Variants in MDN1 observed in about 807,000 individuals in gnomAD.
The protein encoded by MDN1 is midasin AAA ATPase 1, also known as midasin.
In MDN1, 266 loss-of-function variants were observed where a neutral mutation model predicts 669.2. That is an observed-to-expected ratio of 0.40 (90% CI 0.36 to 0.44). MDN1 has a LOEUF of 0.44. Ranked by LOEUF, MDN1 falls within the 20% of genes least tolerant of loss-of-function variation. MDN1 has a pLI of 1.00. For missense variants in MDN1, 5,940 were observed against 6,754.0 expected, an observed-to-expected ratio of 0.88 and a Z score of 4.22; for synonymous variants, 2,385 against 2,457.1, an observed-to-expected ratio of 0.97 and a Z score of 0.87.
At position 89,692,526 on chromosome 6, in the gene MDN1, C is replaced by T; in HGVS notation, c.10504G>A (p.Ala3502Thr). ...CPTREQLLMN[A>T]LLYLRSHVLC... ...ACGTGGGAGCGCAGGTAAAGGAGAG[C>T]ATTCATCAGCAGCTGCTCCCGAGTG... Residue 3502 changes from alanine (A) to threonine (T), a missense_variant, in exon 63 of 102, where the codon GCT becomes ACT. Physicochemically the swap from Ala to Thr is moderately conservative, Grantham distance 58 (BLOSUM62 0). Coordinates refer to ENST00000369393, the MANE Select transcript of MDN1 (RefSeq NM_014611.3). 6.2e-7 allele frequency: 1 copy of T among 1,614,234 alleles called. No individual in the cohort carries two copies. Among genetic ancestry groups the T allele is most frequent in the East Asian group, 2.2e-5 (1 of 44,880 alleles).
rs186668358 is a variant in MDN1, at chr6:89,701,725, T to A, written c.8307-47A>T. The stretch of plus-strand genomic sequence containing the variant: ...CAGGGGAAATAAGGAAAGGGGGAAA[T>A]GCTAGACAGTAAGAGAAGCCATTAA... On this transcript the variant is annotated intron_variant, in intron 54 of 101. Coordinates refer to ENST00000369393, the MANE Select transcript of MDN1 (RefSeq NM_014611.3). 1.9e-4 allele frequency: 294 copies of A among 1,586,810 alleles called. 2 individuals are homozygous for A. The African/African-American group carries it at 3.6e-3, about 20-fold the overall frequency.
At position 89,674,150 on chromosome 6, in the gene MDN1, C is replaced by T. The variant is rs114130059; in HGVS notation, c.13201G>A (p.Val4401Ile). Residue 4401 changes from valine (V) to isoleucine (I), a missense_variant, in exon 79 of 102, where the codon GTC becomes ATC. This residue lies in a region of MDN1 where 2,280 missense variants were observed against 2,576.3 expected (regional missense o/e 0.88). Transcript: ENST00000369393. The stretch of plus-strand genomic sequence containing the variant: ...CAAGACTGCTGTCTAATTTTGTCGA[C>T]GTCAGCTTTCACTGTTTTAATGGTT... ...LKTIKTVKAD[V>I]DKIRQQSCET... The T allele has an allele frequency of 4.1e-3, 6,638 of 1,614,162 alleles. 36 individuals carry two copies. Among genetic ancestry groups the T allele is most frequent in the South Asian group, 5.3e-3 (487 of 91,086 alleles).
chr6:89,758,340 G>A lies in MDN1; in HGVS notation c.2617C>T (p.Arg873Trp), dbSNP rs566766469. The change falls in exon 19 of 102, where the codon CGG becomes TGG. Residue 873 changes from arginine to tryptophan, a missense_variant. Physicochemically the swap from Arg to Trp is moderately radical, Grantham distance 101. This residue lies in a region of MDN1 where 1,203 missense variants were observed against 1,268.9 expected (regional missense o/e 0.95). Coordinates refer to ENST00000369393, the MANE Select transcript of MDN1 (RefSeq NM_014611.3). ...LDRGDTEPLV[R>W]HPDFRLFACM... ...GCAAATAAACGGAAGTCAGGATGCC[G>A]AACCAGTGGCTCTGTTAAGAGAAAA... The A allele has an allele frequency of 1.0e-5, 16 of 1,607,824 alleles. No individual in the cohort carries two copies. The Admixed American group carries it at 1.2e-4, about 12-fold the overall frequency.
Position 89,668,174 on chromosome 6 carries a change from T to A in MDN1, c.13957-23A>T, listed in dbSNP as rs372911668. 23 of 1,612,844 alleles carry A rather than the reference T, an allele frequency of 1.4e-5. No individual in the cohort carries two copies. In the African/African-American group the frequency reaches 2.8e-4, roughly 20 times the overall value. On this transcript the variant is annotated intron_variant, in intron 83 of 101. Transcript: ENST00000369393. ...TCCCTTAGAAAAAAGAAAAAGGAAGTGAACAATTAGGCACAAAAGCAATTT... is the reference window on the plus strand; with the variant it reads ...TCCCTTAGAAAAAAGAAAAAGGAAGAGAACAATTAGGCACAAAAGCAATTT...
intron 29 of MDN1, among the ~76,000 whole-genome samples, chr6:89,744,103 TAAAA>T (rs576136951): frequency 5.4e-5 from 2 of 36,712 alleles, no homozygotes; most frequent in African/African-American, 8.6e-5. Context: ...AATGCCTTCT[TAAAA>T]AAAAAAAAAA....
At chr6:89,673,672 A>G (rs541987679) in intron 79 of MDN1, 351 of 557,874 alleles carry the variant, frequency 6.3e-4, no homozygotes, top group Non-Finnish European at 1.0e-3. Flanking sequence ...CTATTACTAA[A>G]CACCTAGGTT....
At chr6:89,781,363 G>A (rs865976196) in intron 10 of MDN1, 36 bp downstream of exon 10, 7 of 1,574,006 alleles carry the variant, frequency 4.4e-6, no homozygotes, top group Non-Finnish European at 6.1e-6. Context: ...AAAAAAAAAA[G>A]AAAGAAAGAA....
In MDN1 at chr6:89,725,385, A is replaced by G; in HGVS notation, c.5484T>C (p.Ala1828=). ...TGAGTCCTTCCAATACAGACTGAGA[A>G]GCCAGGTTAAGCTATTTAAAGAAGA... ...HWVVLDELNL[A]SQSVLEGLNA... is the part of the protein sequence containing the mutation. The change falls in exon 38 of 102, where the codon GCT becomes GCC. Residue 1828 remains alanine, a synonymous_variant. Coordinates refer to ENST00000369393, the MANE Select transcript of MDN1 (RefSeq NM_014611.3). The G allele has an allele frequency of 6.2e-7, 1 of 1,613,188 alleles. No individual in the cohort carries two copies. Among genetic ancestry groups the G allele is most frequent in the Admixed American group, 1.7e-5 (1 of 60,004 alleles).
At chr6:89,760,216 A>C (rs763765820) in intron 17 of MDN1, among the ~76,000 whole-genome samples, 1 of 152,224 alleles carries the variant, frequency 6.6e-6, no homozygotes, top group Non-Finnish European at 1.5e-5. Flanking sequence ...TCACAGAAAC[A>C]AACTTTTTTT....
At position 89,674,093 on chromosome 6, in the gene MDN1, GAC is replaced by G. The variant is rs1811018067; in HGVS notation, c.13247+9_13247+10del. 6.2e-7 allele frequency: 1 copy of G among 1,612,692 alleles called. No homozygotes were observed. Among genetic ancestry groups the G allele is most frequent in the Non-Finnish European group, 8.5e-7 (1 of 1,179,202 alleles). On this transcript the variant is annotated intron_variant, in intron 79 of 101. Transcript: ENST00000369393. ...GCACACAGAGAAGTGTAAAGACATAGACACACTTACCAAGAATGAAAGAGAGT... is the reference window on the plus strand; with the variant it reads ...GCACACAGAGAAGTGTAAAGACATAGACACTTACCAAGAATGAAAGAGAGT...
At chr6:89,779,958 C>T (rs1298186764) in intron 11 of MDN1, among the ~76,000 whole-genome samples, 4 of 151,690 alleles carry the variant, frequency 2.6e-5, no homozygotes, top group Admixed American at 1.3e-4. Flanking sequence ...CCCAGCTACT[C>T]GGGAGGCTGA....
chr6:89,789,079 G>A (rs779877050), intron 7 of MDN1, among the ~76,000 whole-genome samples: 13 of 152,068 alleles, frequency 8.5e-5, no homozygotes, highest in South Asian at 2.1e-4. Flanking sequence ...AGCCGAGATC[G>A]TGCTACTGCA....
Position 89,781,569 on chromosome 6 carries a change from G to T in MDN1, c.1473C>A (p.Ser491Arg), listed in dbSNP as rs200833002. ...GCAGGTGATCAACCACTGCCAATAGGCTAGGATATCTGCTCTGAAGAACCT... is the reference window on the plus strand; with the variant it reads ...GCAGGTGATCAACCACTGCCAATAGTCTAGGATATCTGCTCTGAAGAACCT... Reference protein sequence around the residue: ...LNEVLQSRYPSLLAVVDHLLD... With the variant: ...LNEVLQSRYPRLLAVVDHLLD... The change falls in exon 10 of 102, where the codon AGC becomes AGA. Residue 491 changes from serine to arginine, a missense_variant. Physicochemically the swap from Ser to Arg is moderately radical, Grantham distance 110 (BLOSUM62 -1). This residue lies in a region of MDN1 where 1,203 missense variants were observed against 1,268.9 expected (regional missense o/e 0.95). Transcript: ENST00000369393. 48 of 1,608,096 alleles carry T rather than the reference G, an allele frequency of 3.0e-5. No individual in the cohort carries two copies. Among genetic ancestry groups the T allele is most frequent in the Non-Finnish European group, 2.3e-5 (27 of 1,176,208 alleles).
intron 61 of MDN1, among the ~76,000 whole-genome samples, chr6:89,694,825 T>C (rs898377367): frequency 1.8e-4 from 28 of 152,128 alleles, no homozygotes; most frequent in Admixed American, 1.6e-3. Flanking sequence ...AGTGCTGAGA[T>C]TACAGGGTGA....
At chr6:89,732,897 G>T in intron 33 of MDN1, 122 bp from the exon 34 acceptor site, 1 of 753,892 alleles carries the variant, frequency 1.3e-6, no homozygotes, top group Non-Finnish European at 2.1e-6. Flanking sequence ...AAAGTTCTGT[G>T]AATGAATGTA....
At chr6:89,693,950 T>C in intron 62 of MDN1, 124 bp downstream of exon 62, 1 of 757,260 alleles carries the variant, frequency 1.3e-6, no homozygotes. Flanking sequence ...TAAACAATGC[T>C]TTGGCATCTA....
chr6:89,683,322 AAG>A lies in MDN1; in HGVS notation c.11910_11911del (p.Phe3971Ter), dbSNP rs769601845. ...TGCTTCAAATTTCTTCATGAATTTA[AAG>A]AGTGTCCTGTCCCCAGGTAATGACA... On this transcript the variant is annotated frameshift_variant, in exon 73 of 102. Coordinates refer to ENST00000369393, the MANE Select transcript of MDN1 (RefSeq NM_014611.3). LOFTEE classifies it high-confidence loss of function. 6.2e-7 allele frequency: 1 copy of A among 1,614,096 alleles called. No individual in the cohort carries two copies. The highest frequency in any genetic ancestry group is 1.1e-5 in the South Asian group (1 of 91,050).
chr6:89,656,772 G>A lies in MDN1; in HGVS notation c.15213C>T (p.Asn5071=). The A allele has an allele frequency of 6.2e-7, 1 of 1,613,686 alleles. No individual in the cohort carries two copies. Among genetic ancestry groups the A allele is most frequent in the Non-Finnish European group, 8.5e-7 (1 of 1,179,768 alleles). The change falls in exon 91 of 102, where the codon AAC becomes AAT. Residue 5071 remains asparagine, a synonymous_variant. Transcript: ENST00000369393. ...EEHGSGAADA[N]QAEGHESNFI... is the part of the protein sequence containing the mutation. The stretch of plus-strand genomic sequence containing the variant: ...AATTCGATTCATGGCCTTCTGCCTG[G>A]TTTGCATCTGCAGCTCCACTTCCGT...
Position 89,778,098 on chromosome 6 carries a change from A to C in MDN1, c.1726-1403T>G, listed in dbSNP as rs561731300. Among the ~76,000 whole-genome samples, 10 of 152,218 alleles carry C rather than the reference A, an allele frequency of 6.6e-5. No individual in the cohort carries two copies. In the South Asian group the frequency reaches 2.1e-3, roughly 32 times the overall value. ...CAAGGTGAACCTGTTGGGCCGTTAC[A>C]ATCTGATCTATTTTTTCATCCTTTT... On this transcript the variant is annotated intron_variant, in intron 11 of 101. Coordinates refer to ENST00000369393, the MANE Select transcript of MDN1 (RefSeq NM_014611.3).
Sources: allele counts gnomAD v4.1 joint callset (sites outside exome capture counted in the v4.1 genomes callset), GRCh38; gene constraint gnomAD v4.1.1; regional missense constraint gnomAD v4.1.1; transcripts MANE v1.5; gene names NCBI Gene and HGNC (gene_info 2026-07-23, HGNC 2026-07-21).